Variants in FAM111B observed in about 807,000 individuals in gnomAD.
FAM111B encodes FAM111 trypsin like peptidase B.
FAM111B carries 1 observed loss-of-function variant against 2.8 expected under a neutral mutation model. That is an observed-to-expected ratio of 0.36 (90% CI 0.13 to 1.70). FAM111B has a LOEUF of 1.70. Ranked by LOEUF, FAM111B falls within the 40% of genes most tolerant of loss-of-function variation. FAM111B has a pLI of 0.35. For synonymous variants in FAM111B, 297 were observed against 295.6 expected (o/e 1.00, Z -0.05); for missense variants, 882 against 878.9 (o/e 1.00, Z -0.04).
At position 59,121,256 on chromosome 11, in the gene FAM111B, C is replaced by A. The variant is rs147482680; in HGVS notation, c.82-2923C>A. Among the ~76,000 whole-genome samples the A allele has an allele frequency of 3.7e-3, 557 of 152,058 alleles. 5 individuals are homozygous for A. Among genetic ancestry groups the A allele is most frequent in the African/African-American group, 0.013 (544 of 41,490 alleles). On this transcript the variant is annotated intron_variant, in intron 3 of 3. Coordinates refer to ENST00000343597, the MANE Select transcript of FAM111B (RefSeq NM_198947.4). Reference sequence around the variant, plus strand: ...TTGTGTCTACAATATTTAAAATACTCCTAGAATCAATAATAAAAAGAAAAA... The same window carrying A: ...TTGTGTCTACAATATTTAAAATACTACTAGAATCAATAATAAAAAGAAAAA...
chr11:59,109,796 G>A, intron 3 of FAM111B, 90 bp downstream of exon 3: 1 of 787,668 alleles, frequency 1.3e-6, no homozygotes, highest in Non-Finnish European at 2.0e-6. Context: ...TTAAACAATG[G>A]TCGTTATAAG....
Position 59,109,692 on chromosome 11 carries a change from C to T in FAM111B, c.67C>T (p.Pro23Ser). The T allele has an allele frequency of 6.2e-7, 1 of 1,610,520 alleles. No homozygotes were observed. Among genetic ancestry groups the T allele is most frequent in the Non-Finnish European group, 8.5e-7 (1 of 1,177,756 alleles). The change falls in exon 3 of 4, where the codon CCT becomes TCT. Residue 23 changes from proline (P) to serine (S), a missense_variant. Coordinates refer to ENST00000343597, the MANE Select transcript of FAM111B (RefSeq NM_198947.4). ...SAMEDDQRTRPEVSKDTVMKQ... is the reference protein window; with the variant it reads ...SAMEDDQRTRSEVSKDTVMKQ... ...TATGGAAGATGACCAGAGGACTAGACCTGAAGTTTCAAAGGTATATCTACT... is the reference window on the plus strand; with the variant it reads ...TATGGAAGATGACCAGAGGACTAGATCTGAAGTTTCAAAGGTATATCTACT...
At chr11:59,120,286 A>G (rs1859900922) in intron 3 of FAM111B, among the ~76,000 whole-genome samples, 1 of 152,216 alleles carries the variant, frequency 6.6e-6, no homozygotes, top group Non-Finnish European at 1.5e-5. Context: ...ACAGACTCAC[A>G]AATTTCAAGA....
In FAM111B at chr11:59,124,979, T is replaced by C; in HGVS notation, c.882T>C (p.Asn294=). The C allele has an allele frequency of 6.2e-7, 1 of 1,610,984 alleles. No individual in the cohort carries two copies. Among genetic ancestry groups the C allele is most frequent in the Admixed American group, 1.7e-5 (1 of 59,592 alleles). The change falls in exon 4 of 4, where the codon AAT becomes AAC. Residue 294 remains asparagine (N), a synonymous_variant. Coordinates refer to ENST00000343597, the MANE Select transcript of FAM111B (RefSeq NM_198947.4). ...ATGAAAGTGCCACTGATGAAATTAA[T>C]CACCAGAGTCTGATACAGTCTAAGA... ...KQNESATDEI[N]HQSLIQSKKK...
Position 59,119,428 on chromosome 11 carries a change from C to T in FAM111B, c.82-4751C>T, listed in dbSNP as rs1008675577. ...TCACTGTCCTTCTTTGACTAATGCT[C>T]AATGTCTTGGAAACCATTTTGTATA... On this transcript the variant is annotated intron_variant, in intron 3 of 3. Coordinates refer to ENST00000343597, the MANE Select transcript of FAM111B (RefSeq NM_198947.4). Among the ~76,000 whole-genome samples, 6 of 152,200 alleles carry T rather than the reference C, an allele frequency of 3.9e-5. No homozygotes were observed. The East Asian group carries it at 5.8e-4, about 15-fold the overall frequency.
intron 3 of FAM111B, among the ~76,000 whole-genome samples, chr11:59,117,399 T>A (rs1859854485): frequency 6.6e-6 from 1 of 152,166 alleles, no homozygotes; most frequent in African/African-American, 2.4e-5. Flanking sequence ...TTTTTGATAG[T>A]TTCTGAGGAG....
chr11:59,117,693 C>A (rs1859858836), intron 3 of FAM111B, among the ~76,000 whole-genome samples: 1 of 152,212 alleles, frequency 6.6e-6, no homozygotes, highest in Non-Finnish European at 1.5e-5. Context: ...ACTGAATCCT[C>A]AGGCCACTTA....
chr11:59,121,387 C>T (rs917669148), intron 3 of FAM111B, among the ~76,000 whole-genome samples: 9 of 152,026 alleles, frequency 5.9e-5, no homozygotes, highest in Admixed American at 6.5e-5. Context: ...TGTTTAAACC[C>T]TCAGTAAGAT....
rs1412384177 is a variant in FAM111B at position 59,125,270 on chromosome 11, T to C, written c.1173T>C (p.Tyr391=). Residue 391 remains tyrosine (Y), a synonymous_variant, in exon 4 of 4, where the codon TAT becomes TAC. Coordinates refer to ENST00000343597, the MANE Select transcript of FAM111B (RefSeq NM_198947.4). ...QKEAINLLKN[Y]QTLNEAIMHQ... ...AGGCAATTAATCTCTTAAAGAATTA[T>C]CAAACGTTGAATGAAGCCATAATGC... 14 of 1,613,828 alleles carry C rather than the reference T, an allele frequency of 8.7e-6. No individual in the cohort carries two copies. Among genetic ancestry groups the C allele is most frequent in the Non-Finnish European group, 8.5e-6 (10 of 1,179,868 alleles).
Position 59,125,235 on chromosome 11 carries a change from G to A in FAM111B, c.1138G>A (p.Val380Ile). ...LGRRYAINLD[V>I]QKEAINLLKN... ...TAGGCGGTATGCTATTAATCTGGAT[G>A]TCCAAAAGGAGGCAATTAATCTCTT... The change falls in exon 4 of 4, where the codon GTC becomes ATC. Residue 380 changes from valine (V) to isoleucine (I), a missense_variant. Val to Ile is a conservative substitution (Grantham distance 29). Transcript: ENST00000343597. The A allele has an allele frequency of 6.2e-7, 1 of 1,613,918 alleles. No individual in the cohort carries two copies. The highest frequency in any genetic ancestry group is 8.5e-7 in the Non-Finnish European group (1 of 1,179,842).
At position 59,124,992 on chromosome 11, in the gene FAM111B, A is replaced by T; in HGVS notation, c.895A>T (p.Ile299Leu). 1 of 1,612,852 alleles carries T rather than the reference A, an allele frequency of 6.2e-7. No individual in the cohort carries two copies. Among genetic ancestry groups the T allele is most frequent in the Non-Finnish European group, 8.5e-7 (1 of 1,179,696 alleles). The change falls in exon 4 of 4, where the codon ATA (isoleucine) becomes TTA (leucine). Residue 299 changes from isoleucine to leucine, a missense_variant. By Grantham distance (5) the Ile-to-Leu change is conservative. Coordinates refer to ENST00000343597, the MANE Select transcript of FAM111B (RefSeq NM_198947.4). ...ATDEINHQSL[I>L]QSKKKVHKPK... ...TGATGAAATTAATCACCAGAGTCTG[A>T]TACAGTCTAAGAAAAAAGTCCACAA... is the stretch of plus-strand genomic sequence containing the variant.
At chr11:59,114,826 G>A (rs1043591654) in intron 3 of FAM111B, among the ~76,000 whole-genome samples, 5 of 151,754 alleles carry the variant, frequency 3.3e-5, no homozygotes, top group East Asian at 3.9e-4. Flanking sequence ...GTGCATGCAC[G>A]TGTGTGTGTG....
chr11:59,124,125 T>A lies in FAM111B; in HGVS notation c.82-54T>A, dbSNP rs990971068. On this transcript the variant is annotated intron_variant, in intron 3 of 3. Transcript: ENST00000343597. ...TATTAGTTCTATCATTAGAAAAATATAAAACATTATTAAAGGTGATTCTTG... is the reference window on the plus strand; with the variant it reads ...TATTAGTTCTATCATTAGAAAAATAAAAAACATTATTAAAGGTGATTCTTG... The A allele has an allele frequency of 4.7e-6, 6 of 1,268,286 alleles. No individual in the cohort carries two copies. The African/African-American group carries it at 9.0e-5, about 19-fold the overall frequency. 78.6% of individuals were successfully genotyped at this position (1,268,286 alleles called of 1,614,324 possible).
At chr11:59,109,426 G>A (rs1859721644) in intron 2 of FAM111B, 114 bp from the exon 3 acceptor site, 1 of 449,462 alleles carries the variant, frequency 2.2e-6, no homozygotes, top group Non-Finnish European at 4.0e-6. Context: ...AATAGCCATA[G>A]GGCTTACCTC....
At chr11:59,116,307 A>G (rs573650240) in intron 3 of FAM111B, among the ~76,000 whole-genome samples, 6 of 152,340 alleles carry the variant, frequency 3.9e-5, no homozygotes, top group Admixed American at 3.9e-4. Flanking sequence ...TCTTACCAAC[A>G]AAGAGTAACA....
Position 59,107,494 on chromosome 11 carries a change from C to G in FAM111B, c.-132+198C>G, listed in dbSNP as rs182236559. Among the ~76,000 whole-genome samples the G allele has an allele frequency of 6.2e-4, 95 of 152,326 alleles. 1 individual carries two copies. The highest frequency in any genetic ancestry group is 1.1e-3 in the Non-Finnish European group (75 of 68,018). ...TACTCCTGAAGAGATACTTAGAGAT[C>G]ATCTGGGTGTTCCTGAATCTCGAGA... On this transcript the variant is annotated intron_variant, in intron 1 of 3. Transcript: ENST00000343597.
chr11:59,121,628 TA>T (rs1338501502), intron 3 of FAM111B, among the ~76,000 whole-genome samples: 9 of 152,240 alleles, frequency 5.9e-5, no homozygotes, highest in African/African-American at 2.2e-4. Context: ...TGATAAAATC[TA>T]TTTCTGAAGT....
In FAM111B at chr11:59,124,511, T is replaced by A; in HGVS notation, c.414T>A (p.Asp138Glu). Residue 138 changes from aspartate to glutamate, a missense_variant, in exon 4 of 4, where the codon GAT becomes GAA. By Grantham distance (45) the Asp-to-Glu change is conservative. Coordinates refer to ENST00000343597, the MANE Select transcript of FAM111B (RefSeq NM_198947.4). ...TTGTTTATGAAGAAAAGACAATAGA[T>A]GGACATATAAATTTAGGAATGCCTC... is the stretch of plus-strand genomic sequence containing the variant. ...NIIVYEEKTI[D>E]GHINLGMPLK... 1 of 1,613,328 alleles carries A rather than the reference T, an allele frequency of 6.2e-7. No individual in the cohort carries two copies.
rs1692862938 is a variant in FAM111B, at chr11:59,124,552, G to A, written c.455G>A (p.Ser152Asn). The A allele has an allele frequency of 3.7e-6, 6 of 1,613,584 alleles. No individual in the cohort carries two copies. The African/African-American group carries it at 4.0e-5, about 11-fold the overall frequency. The change falls in exon 4 of 4, where the codon AGT becomes AAT. Residue 152 changes from serine to asparagine, a missense_variant. Ser to Asn is a conservative substitution (Grantham distance 46). Coordinates refer to ENST00000343597, the MANE Select transcript of FAM111B (RefSeq NM_198947.4). ...NLGMPLKCLP[S>N]DSHFKITFGQ... ...GGAATGCCTCTCAAGTGCCTGCCTA[G>A]TGATTCTCATTTTAAAATTACATTT...
Sources: gnomAD v4.1 joint callset for allele counts (sites outside exome capture counted in the v4.1 genomes callset) on GRCh38, gnomAD v4.1.1 for gene constraint, MANE v1.5 for transcripts, NCBI Gene and HGNC (gene_info 2026-07-23, HGNC 2026-07-21) for gene names.